ATP13A5: variants seen among roughly 807,000 people sequenced by gnomAD.
The protein encoded by ATP13A5 is ATPase 13A5, also known as probable cation-transporting ATPase 13A5.
ATP13A5 carries 149 observed loss-of-function variants against 150.2 expected under a neutral mutation model. The ratio of observed to expected loss-of-function variants is 0.99; its 90% CI spans 0.87 to 1.14. ATP13A5 has a LOEUF of 1.14. ATP13A5 is among the 50% of genes most tolerant of loss of function. ATP13A5 has a pLI of 0.00. For missense variants in ATP13A5, 1,383 were observed against 1,449.3 expected, an observed-to-expected ratio of 0.95 and a Z score of 0.74; for synonymous variants, 497 against 522.2, an observed-to-expected ratio of 0.95 and a Z score of 0.66.
At chr3:193,342,823 G>T (rs966905145) in intron 9 of ATP13A5, among the ~76,000 whole-genome samples, 1 of 152,172 alleles carries the variant, frequency 6.6e-6, no homozygotes, top group Non-Finnish European at 1.5e-5. Context: ...CTGCTGGGAG[G>T]TGTGAGGCAG....
At chr3:193,313,708 T>A (rs1012326956) in intron 19 of ATP13A5, 1 of 210,752 alleles carries the variant, frequency 4.7e-6, no homozygotes, top group African/African-American at 2.3e-5. Context: ...GTTATTTTAA[T>A]GACCAAGTGG....
intron 1 of ATP13A5, among the ~76,000 whole-genome samples, chr3:193,370,529 G>A (rs563078532): frequency 1.9e-4 from 29 of 152,264 alleles, no homozygotes; most frequent in Admixed American, 1.4e-3. Flanking sequence ...CCTCTACCAC[G>A]TAACCATATA....
At chr3:193,341,381 C>A (rs1236101410) in intron 9 of ATP13A5, among the ~76,000 whole-genome samples, 3 of 152,132 alleles carry the variant, frequency 2.0e-5, no homozygotes, top group African/African-American at 7.2e-5. Context: ...GCTCACCATG[C>A]CTTTCCTCTA....
At chr3:193,289,034 A>T (rs1205763042) in intron 26 of ATP13A5, among the ~76,000 whole-genome samples, 1 of 152,164 alleles carries the variant, frequency 6.6e-6, no homozygotes, top group Non-Finnish European at 1.5e-5. Flanking sequence ...ATTCCTAGTT[A>T]TACTTAAATT....
intron 5 of ATP13A5, among the ~76,000 whole-genome samples, chr3:193,356,943 G>A (rs774136332): frequency 6.6e-6 from 1 of 152,054 alleles, no homozygotes; most frequent in Non-Finnish European, 1.5e-5. Flanking sequence ...AGCCTCCTGA[G>A]TAGCTGGGAT....
chr3:193,276,040 G>A (rs1035528794), intron 29 of ATP13A5, among the ~76,000 whole-genome samples: 31 of 152,054 alleles, frequency 2.0e-4, no homozygotes, highest in Non-Finnish European at 1.0e-4. Flanking sequence ...ATTATGATAA[G>A]TGCCTTCATA....
At chr3:193,347,926 C>T (rs1039970321) in intron 7 of ATP13A5, among the ~76,000 whole-genome samples, 2 of 152,174 alleles carry the variant, frequency 1.3e-5, no homozygotes, top group African/African-American at 2.4e-5. Flanking sequence ...GTCAGGCCTC[C>T]CTCGTGAGTC....
At chr3:193,283,661 C>A (rs1717598288) in intron 27 of ATP13A5, among the ~76,000 whole-genome samples, 1 of 152,068 alleles carries the variant, frequency 6.6e-6, no homozygotes, top group Non-Finnish European at 1.5e-5. Context: ...AAAATCAGTA[C>A]AAACTTTCTA....
At chr3:193,342,673 A>T (rs1038709586) in intron 9 of ATP13A5, among the ~76,000 whole-genome samples, 1 of 152,152 alleles carries the variant, frequency 6.6e-6, no homozygotes, top group African/African-American at 2.4e-5. Context: ...CCTGGGAATC[A>T]AGGCAAGTTC....
At position 193,310,599 on chromosome 3, in the gene ATP13A5, G is replaced by A. The variant is rs549383390; in HGVS notation, c.2525+39C>T. On this transcript the variant is annotated intron_variant, in intron 21 of 29. Coordinates refer to ENST00000342358, the MANE Select transcript of ATP13A5 (RefSeq NM_198505.4). The stretch of plus-strand genomic sequence containing the variant: ...AATTATTGACCCATAGGTAGCAAGA[G>A]TTAATGAGCACACTCTTCTTTCATG... 3.3e-6 allele frequency: 5 copies of A among 1,510,552 alleles called. No homozygotes were observed. The East Asian group carries it at 6.8e-5, about 21-fold the overall frequency. 93.6% of individuals were successfully genotyped at this position (1,510,552 alleles called of 1,614,324 possible).
At chr3:193,368,392 T>TTGTGTGTGTGTGTG (rs1286543236) in intron 1 of ATP13A5, among the ~76,000 whole-genome samples, 14,427 of 147,192 alleles carry the variant, frequency 0.098, 847 homozygotes, top group Non-Finnish European at 0.12. Flanking sequence ...CTCTTCAGAC[T>TTGTGTGTGTGTGTG]TGTGTGTGTG....
chr3:193,295,405 T>C (rs1351030681), intron 25 of ATP13A5, among the ~76,000 whole-genome samples: 1 of 152,024 alleles, frequency 6.6e-6, no homozygotes, highest in Non-Finnish European at 1.5e-5. Flanking sequence ...TCCACTGCTA[T>C]CTCCTCCTTA....
chr3:193,367,796 C>T (rs1713288512), intron 1 of ATP13A5, among the ~76,000 whole-genome samples: 1 of 152,048 alleles, frequency 6.6e-6, no homozygotes, highest in Admixed American at 6.6e-5. Flanking sequence ...AAAAAATTCT[C>T]AACAAGTTAA....
At chr3:193,298,503 T>C (rs1718262920) in intron 25 of ATP13A5, among the ~76,000 whole-genome samples, 1 of 152,118 alleles carries the variant, frequency 6.6e-6, no homozygotes, top group African/African-American at 2.4e-5. Context: ...TTATCTGTTA[T>C]TTTTCATAAC....
chr3:193,315,624 A>C (rs1286233258), intron 17 of ATP13A5, among the ~76,000 whole-genome samples: 6 of 152,198 alleles, frequency 3.9e-5, no homozygotes, highest in Admixed American at 2.0e-4. Flanking sequence ...TTATAGTCCA[A>C]CTGGGTTGCA....
chr3:193,369,483 C>T (rs1336664428), intron 1 of ATP13A5, among the ~76,000 whole-genome samples: 2 of 151,968 alleles, frequency 1.3e-5, no homozygotes, highest in Non-Finnish European at 2.9e-5. Context: ...TTTTGACCAA[C>T]TAATTGAGAG....
At chr3:193,331,433 A>C in intron 11 of ATP13A5, 122 bp from the exon 12 acceptor site, 1 of 846,506 alleles carries the variant, frequency 1.2e-6, no homozygotes, top group Non-Finnish European at 1.7e-6. Context: ...TTTGATCCCT[A>C]CTCCCAGTCC....
intron 21 of ATP13A5, among the ~76,000 whole-genome samples, chr3:193,307,925 G>C (rs1718679336): frequency 6.6e-6 from 1 of 152,182 alleles, no homozygotes; most frequent in Admixed American, 6.5e-5. Context: ...AATACAAATA[G>C]AAGAGTAAAA....
chr3:193,328,084 G>C (rs1335040149), intron 12 of ATP13A5, among the ~76,000 whole-genome samples: 1 of 152,182 alleles, frequency 6.6e-6, no homozygotes, highest in Non-Finnish European at 1.5e-5. Context: ...TCACAACTGA[G>C]TTAACAGGGT....
Sources: allele counts gnomAD v4.1 joint callset (sites outside exome capture counted in the v4.1 genomes callset), GRCh38; gene constraint gnomAD v4.1.1; transcripts MANE v1.5; gene names NCBI Gene and HGNC (gene_info 2026-07-23, HGNC 2026-07-21).